The following GAS2 variants were observed in gnomAD, a reference collection of about 807,000 sequenced individuals.
The protein encoded by GAS2 is growth arrest-specific protein 2.
A neutral mutation model predicts 37.5 loss-of-function variants in GAS2; 20 were observed. The observed-to-expected ratio is 0.53, with a 90% CI of 0.37 to 0.77. The LOEUF is 0.77. Ranked by LOEUF, GAS2 falls within the 30% of genes least tolerant of loss-of-function variation. The pLI is 0.00. For synonymous variants in GAS2, 144 were observed against 132.2 expected (o/e 1.09, Z -0.61); for missense variants, 336 against 373.4 (o/e 0.90, Z 0.82).
intron 5 of GAS2, among the ~76,000 whole-genome samples, chr11:22,748,340 C>T (rs1426818813): frequency 1.3e-5 from 2 of 151,928 alleles, no homozygotes; most frequent in East Asian, 3.9e-4. Context: ...TTATTATTGG[C>T]CTCCCCCACC....
intron 3 of GAS2, among the ~76,000 whole-genome samples, chr11:22,717,225 A>G (rs1851723975): frequency 6.6e-6 from 1 of 152,214 alleles, no homozygotes; most frequent in African/African-American, 2.4e-5. Flanking sequence ...ATCCGATGGC[A>G]TCACATTACC....
At chr11:22,802,835 A>G (rs1217291904) in intron 7 of GAS2, among the ~76,000 whole-genome samples, 6 of 152,154 alleles carry the variant, frequency 3.9e-5, no homozygotes, top group Non-Finnish European at 5.9e-5. Context: ...ACAGATTTTT[A>G]CTGTACTTTT....
intron 1 of GAS2, among the ~76,000 whole-genome samples, chr11:22,655,243 G>A (rs564606164): frequency 5.9e-5 from 9 of 152,138 alleles, no homozygotes; most frequent in Non-Finnish European, 1.2e-4. Flanking sequence ...TACCTAACTT[G>A]CCTGTCTTTG....
rs748132584 is a variant in GAS2, at chr11:22,749,108, G to A, written c.474-12G>A. ...AGTTATGCATATGTAATGATCCAGGGTCTTTTTAAAGGTATGGTGTGGAGC... is the reference window on the plus strand; with the variant it reads ...AGTTATGCATATGTAATGATCCAGGATCTTTTTAAAGGTATGGTGTGGAGC... On this transcript the variant is annotated splice_polypyrimidine_tract_variant and intron_variant, in intron 5 of 7. Transcript: ENST00000454584. The A allele has an allele frequency of 1.9e-6, 3 of 1,604,040 alleles. No individual in the cohort carries two copies. Among genetic ancestry groups the A allele is most frequent in the Non-Finnish European group, 2.6e-6 (3 of 1,175,972 alleles).
At chr11:22,783,535 C>T (rs7928829) in intron 7 of GAS2, among the ~76,000 whole-genome samples, 2,738 of 152,208 alleles carry the variant, frequency 0.018, 73 homozygotes, top group African/African-American at 0.063. Flanking sequence ...TATGACTTGC[C>T]ATATGCTTTT....
rs182340429 is a variant in GAS2 at position 22,728,014 on chromosome 11, C to T, written c.409+1581C>T. On this transcript the variant is annotated intron_variant, in intron 4 of 7. Coordinates refer to ENST00000454584, the MANE Select transcript of GAS2 (RefSeq NM_001143830.3). ...CTGCATGTGTGGACGATTAACATCA[C>T]GATTTAAAATTCTACAGTGCCTCTG... Among the ~76,000 whole-genome samples, 180 of 152,020 alleles carry T rather than the reference C, an allele frequency of 1.2e-3. 5 individuals are homozygous for T. The South Asian group carries it at 0.03, about 26-fold the overall frequency.
At position 22,726,414 on chromosome 11, in the gene GAS2, A is replaced by C; in HGVS notation, c.390A>C (p.Leu130=). The C allele has an allele frequency of 6.2e-7, 1 of 1,611,934 alleles. No individual in the cohort carries two copies. The highest frequency in any genetic ancestry group is 8.5e-7 in the Non-Finnish European group (1 of 1,179,034). The part of the protein sequence containing the change: ...CRDLGVDETC[L]FESEGLVLHK... Reference sequence around the variant, plus strand: ...ATTTAGGGGTGGATGAAACGTGTCTATTTGAATCGGAAGGTTTGGGTATGT... The same window carrying C: ...ATTTAGGGGTGGATGAAACGTGTCTCTTTGAATCGGAAGGTTTGGGTATGT... The change falls in exon 4 of 8, where the codon CTA becomes CTC. Residue 130 remains leucine, a synonymous_variant. Coordinates refer to ENST00000454584, the MANE Select transcript of GAS2 (RefSeq NM_001143830.3).
rs554264322 is a variant in GAS2, at chr11:22,800,337, C to A, written c.724-11461C>A. ...GTCCTCCCCTTACCCCTACTACTTT[C>A]CCAGGATCTTCGCCACATTGCCAAT... On this transcript the variant is annotated intron_variant, in intron 7 of 7. Transcript: ENST00000454584. Among the ~76,000 whole-genome samples the A allele has an allele frequency of 2.0e-5, 3 of 152,200 alleles. No homozygotes were observed. The East Asian group carries it at 5.8e-4, about 29-fold the overall frequency.
intron 2 of GAS2, 44 bp downstream of exon 2, chr11:22,675,058 T>C: frequency 6.3e-7 from 1 of 1,596,942 alleles, no homozygotes. Context: ...ACAACAGTTT[T>C]TGTTTTATTT....
intron 3 of GAS2, among the ~76,000 whole-genome samples, chr11:22,686,592 A>G (rs1213874899): frequency 2.5e-5 from 2 of 79,588 alleles, no homozygotes; most frequent in Admixed American, 1.7e-4. Flanking sequence ...AAAAAAAAAA[A>G]AAAAAAAAAT....
chr11:22,794,270 A>G (rs1315768686), intron 7 of GAS2, among the ~76,000 whole-genome samples: 2 of 152,032 alleles, frequency 1.3e-5, no homozygotes, highest in Non-Finnish European at 2.9e-5. Flanking sequence ...GTGCTGTAAG[A>G]CTTATGCCCT....
At chr11:22,653,062 C>CTTTGCTTTCT (rs1565067633) in intron 1 of GAS2, among the ~76,000 whole-genome samples, 4 of 129,946 alleles carry the variant, frequency 3.1e-5, no homozygotes, top group African/African-American at 1.1e-4. Flanking sequence ...TGCTTTCTTT[C>CTTTGCTTTCT]TTTTTTGCTT....
chr11:22,766,901 G>T (rs1854726367), intron 7 of GAS2, among the ~76,000 whole-genome samples: 1 of 152,140 alleles, frequency 6.6e-6, no homozygotes, highest in Admixed American at 6.5e-5. Context: ...ATGGCAGAGA[G>T]ATGAATTTGC....
At chr11:22,777,741 G>T in intron 7 of GAS2, among the ~76,000 whole-genome samples, 1 of 152,316 alleles carries the variant, frequency 6.6e-6, no homozygotes, top group African/African-American at 2.4e-5. Context: ...GGGGGCAATT[G>T]TTGGAGGGCC....
At chr11:22,775,869 GT>G (rs952153720) in intron 7 of GAS2, among the ~76,000 whole-genome samples, 7 of 152,308 alleles carry the variant, frequency 4.6e-5, no homozygotes, top group Admixed American at 4.6e-4. Flanking sequence ...TAGAAGAACT[GT>G]AAAAAATATA....
At chr11:22,730,385 G>T (rs1852413428) in intron 4 of GAS2, among the ~76,000 whole-genome samples, 1 of 151,602 alleles carries the variant, frequency 6.6e-6, no homozygotes. Flanking sequence ...TATATTAAAA[G>T]GATTTTTCAC....
At position 22,812,428 on chromosome 11, in the gene GAS2, CT is replaced by C. The variant is rs35549681; in HGVS notation, c.*430del. The C allele has an allele frequency of 0.047, 6,485 of 136,868 alleles. 451 individuals carry two copies. Among genetic ancestry groups the C allele is most frequent in the African/African-American group, 0.16 (5,840 of 36,376 alleles). 8.5% of individuals were successfully genotyped at this position (136,868 alleles called of 1,614,324 possible). ...TTTTTATAATTGCAAGATTTTTATG[CT>C]TTTTTTTTTTTTTTTTTACAAAATG... is the stretch of plus-strand genomic sequence containing the variant. On this transcript the variant is annotated 3_prime_UTR_variant, in exon 8 of 8. Coordinates refer to ENST00000454584, the MANE Select transcript of GAS2 (RefSeq NM_001143830.3).
chr11:22,773,811 G>A (rs1017402349), intron 7 of GAS2, among the ~76,000 whole-genome samples: 4 of 151,796 alleles, frequency 2.6e-5, no homozygotes, highest in Admixed American at 1.3e-4. Context: ...TCCTGACCTC[G>A]CTTCCACAGC....
chr11:22,647,240 A>G (rs1170290747), intron 1 of GAS2, among the ~76,000 whole-genome samples: 4 of 151,650 alleles, frequency 2.6e-5, no homozygotes, highest in African/African-American at 9.7e-5. Flanking sequence ...TGTCCCTACA[A>G]AGGACATGAA....
Sources: gnomAD v4.1 joint callset for allele counts (sites outside exome capture counted in the v4.1 genomes callset) on GRCh38, gnomAD v4.1.1 for gene constraint, MANE v1.5 for transcripts, NCBI Gene and HGNC (gene_info 2026-07-23, HGNC 2026-07-21) for gene names.